Variants in ARMC2 observed in about 807,000 individuals in gnomAD.
The protein encoded by ARMC2 is armadillo repeat-containing protein 2.
Under a neutral mutation model 90.3 loss-of-function variants are expected in ARMC2, and 67 were observed. The ratio of observed to expected loss-of-function variants is 0.74; its 90% CI spans 0.61 to 0.91. The LOEUF (loss-of-function observed/expected upper bound fraction) is 0.91, where lower values mean the gene tolerates loss of function less well. ARMC2 is among the 40% of genes least tolerant of loss of function. The probability of loss-of-function intolerance (pLI) is 0.00; values close to 1 mark genes in which losing one functional copy is unlikely to be tolerated. For synonymous variants in ARMC2, 393 were observed against 393.0 expected, an observed-to-expected ratio of 1.00 and a Z score of 0.00; for missense variants, 920 against 1,030.9, an observed-to-expected ratio of 0.89 and a Z score of 1.47.
At chr6:108,968,246 C>G (rs372338265) in intron 17 of ARMC2, among the ~76,000 whole-genome samples, 2 of 152,118 alleles carry the variant, frequency 1.3e-5, no homozygotes, top group East Asian at 1.9e-4. Context: ...GTGACAGATA[C>G]GGAAAGTAGG....
the ARMC2 span, among the ~76,000 whole-genome samples, chr6:109,009,835 G>A: frequency 1.3e-5 from 2 of 152,076 alleles, no homozygotes; most frequent in Admixed American, 6.5e-5. Context: ...CGAGTCTTCG[G>A]GCTTCAGGGA....
the ARMC2 span, among the ~76,000 whole-genome samples, chr6:109,014,222 G>T: frequency 6.6e-6 from 1 of 152,016 alleles, no homozygotes; most frequent in African/African-American, 2.4e-5. Flanking sequence ...AAATTTAAAA[G>T]TTGCTTTTAC....
intron 11 of ARMC2, among the ~76,000 whole-genome samples, chr6:108,930,141 G>A (rs1321459188): frequency 2.0e-5 from 3 of 149,218 alleles, no homozygotes; most frequent in Non-Finnish European, 3.0e-5. Flanking sequence ...AAAAAAAAAA[G>A]AATCCAAACT....
the ARMC2 span, among the ~76,000 whole-genome samples, chr6:108,990,158 G>A: frequency 3.3e-3 from 505 of 152,320 alleles, no homozygotes; most frequent in African/African-American, 9.8e-3. Flanking sequence ...ATGTAACATA[G>A]TAACATGGCT....
chr6:108,980,496 GCTCC>G, the ARMC2 span, among the ~76,000 whole-genome samples: 2 of 120,508 alleles, frequency 1.7e-5, no homozygotes, highest in Middle Eastern at 5.2e-3. Flanking sequence ...GAGGCAGTCT[GCTCC>G]TCCTCAGGAG....
At chr6:108,979,313 T>A (rs532338791), downstream of ARMC2, among the ~76,000 whole-genome samples, 2 of 152,226 alleles carry the variant, frequency 1.3e-5, no homozygotes, top group African/African-American at 4.8e-5. Context: ...GAATGTTGAA[T>A]ATTGGCCCCA....
At chr6:109,029,052 T>A in the ARMC2 span, among the ~76,000 whole-genome samples, 1 of 152,188 alleles carries the variant, frequency 6.6e-6, no homozygotes, top group Non-Finnish European at 1.5e-5. Flanking sequence ...TGAAACAGAT[T>A]TAGTGTATAA....
the ARMC2 span, chr6:108,987,708 C>T: frequency 1.3e-4 from 95 of 756,432 alleles, 5 homozygotes; most frequent in South Asian, 1.4e-3. Context: ...CTAATGAACA[C>T]ATAAAATAAG....
At chr6:108,915,064 T>C (rs1773810846) in intron 10 of ARMC2, among the ~76,000 whole-genome samples, 1 of 152,054 alleles carries the variant, frequency 6.6e-6, no homozygotes, top group Admixed American at 6.6e-5. Flanking sequence ...GCGATTCTCC[T>C]GCCTCAGCCT....
chr6:108,889,320 A>G (rs769724473), intron 5 of ARMC2, among the ~76,000 whole-genome samples: 1 of 149,586 alleles, frequency 6.7e-6, no homozygotes, highest in Non-Finnish European at 1.5e-5. Context: ...TAATTTTTGT[A>G]TTTTTAGTAG....
chr6:109,016,958 T>C, the ARMC2 span, among the ~76,000 whole-genome samples: 15,196 of 152,134 alleles, frequency 0.1, 915 homozygotes, highest in Middle Eastern at 0.19. Context: ...TAATTTGTTA[T>C]GAGTCTAATT....
the ARMC2 span, among the ~76,000 whole-genome samples, chr6:108,989,527 C>T: frequency 6.9e-6 from 1 of 143,918 alleles, no homozygotes; most frequent in Non-Finnish European, 1.5e-5. Flanking sequence ...AGAGAGATAT[C>T]TATAGAGATA....
the ARMC2 span, among the ~76,000 whole-genome samples, chr6:109,029,471 G>A: frequency 3.9e-5 from 6 of 152,130 alleles, no homozygotes; most frequent in Non-Finnish European, 7.3e-5. Flanking sequence ...AATTTTAAAT[G>A]TTGCCACTTC....
chr6:108,899,870 C>A, intron 7 of ARMC2, 78 bp downstream of exon 7: 1 of 1,038,810 alleles, frequency 9.6e-7, no homozygotes, highest in East Asian at 2.6e-5. Flanking sequence ...ATGTGTTCCC[C>A]ATTGCCCTGA....
intron 4 of ARMC2, among the ~76,000 whole-genome samples, 173 bp downstream of exon 4, chr6:108,869,168 G>A (rs1776132216): frequency 6.6e-6 from 1 of 152,174 alleles, no homozygotes; most frequent in African/African-American, 2.4e-5. Context: ...ATTTTTCTGG[G>A]TGCTTATAAG....
At chr6:109,028,282 C>G in the ARMC2 span, among the ~76,000 whole-genome samples, 1 of 152,148 alleles carries the variant, frequency 6.6e-6, no homozygotes, top group Non-Finnish European at 1.5e-5. Flanking sequence ...AGGGCATTCA[C>G]TTTTTAAATA....
Position 108,966,139 on chromosome 6 carries a change from G to A in ARMC2, c.2446+999G>A, listed in dbSNP as rs72935163. On this transcript the variant is annotated intron_variant, in intron 17 of 17. Coordinates refer to ENST00000392644, the MANE Select transcript of ARMC2 (RefSeq NM_032131.6). Reference sequence around the variant, plus strand: ...TAGATCCAGGAGGCCATGTGGAAAGGCTCAAGGTCACTTGGAAGCCATAGG... The same window carrying A: ...TAGATCCAGGAGGCCATGTGGAAAGACTCAAGGTCACTTGGAAGCCATAGG... 4.2e-3 allele frequency among the ~76,000 whole-genome samples: 617 copies of A among 145,598 alleles called. 2 individuals carry two copies. The highest frequency in any genetic ancestry group is 7.3e-3 in the Non-Finnish European group (485 of 66,792).
chr6:108,866,282 C>G (rs1463659137), intron 3 of ARMC2, among the ~76,000 whole-genome samples: 1 of 152,106 alleles, frequency 6.6e-6, no homozygotes, highest in Non-Finnish European at 1.5e-5. Flanking sequence ...TTTTCTGTTC[C>G]TATTAGCTTC....
chr6:108,895,588 T>C (rs4342452), intron 6 of ARMC2, among the ~76,000 whole-genome samples: 18,754 of 151,224 alleles, frequency 0.12, 1,579 homozygotes, highest in Non-Finnish European at 0.19. Context: ...TATATAACAA[T>C]ATAAACCACA....
Sources: gnomAD v4.1 joint callset for allele counts (sites outside exome capture counted in the v4.1 genomes callset) on GRCh38, gnomAD v4.1.1 for gene constraint, MANE v1.5 for transcripts, NCBI Gene and HGNC (gene_info 2026-07-23, HGNC 2026-07-21) for gene names.